The following LYZL2 variants were observed in gnomAD, a reference collection of about 807,000 sequenced individuals.
The protein encoded by LYZL2 is lysozyme-like protein 2.
In LYZL2, 13 loss-of-function variants were observed where a neutral mutation model predicts 17.1. The ratio of observed to expected loss-of-function variants is 0.76; its 90% CI spans 0.49 to 1.21. The LOEUF is 1.21. LYZL2 is among the 50% of genes most tolerant of loss of function. LYZL2 has a pLI of 0.00. For synonymous variants in LYZL2, 63 were observed against 74.4 expected (o/e 0.85, Z 0.79); for missense variants, 166 against 189.2 (o/e 0.88, Z 0.72).
At chr10:30,617,041 G>A (rs1398692473) in intron 3 of LYZL2, among the ~76,000 whole-genome samples, 2 of 152,112 alleles carry the variant, frequency 1.3e-5, no homozygotes, top group African/African-American at 2.4e-5. Context: ...TGAGACACTC[G>A]TTTGTGTTTG....
intron 3 of LYZL2, among the ~76,000 whole-genome samples, chr10:30,614,257 A>G (rs1488167314): frequency 6.6e-6 from 1 of 152,216 alleles, no homozygotes; most frequent in African/African-American, 2.4e-5. Context: ...TATGAAAGGA[A>G]TCGGCTGGGG....
At chr10:30,614,472 C>G (rs1222246593) in intron 3 of LYZL2, among the ~76,000 whole-genome samples, 1 of 152,228 alleles carries the variant, frequency 6.6e-6, no homozygotes, top group Non-Finnish European at 1.5e-5. Context: ...GAAGCCAATC[C>G]TGAAGCAGGT....
At chr10:30,615,716 T>TA (rs1346074965) in intron 3 of LYZL2, among the ~76,000 whole-genome samples, 15 of 152,288 alleles carry the variant, frequency 9.8e-5, no homozygotes, top group African/African-American at 3.4e-4. Context: ...GGGAAAAATA[T>TA]AAAAAATTGT....
At chr10:30,622,423 C>T (rs950489175) in intron 3 of LYZL2, among the ~76,000 whole-genome samples, 1 of 152,082 alleles carries the variant, frequency 6.6e-6, no homozygotes, top group African/African-American at 2.4e-5. Context: ...GTGGCATGTG[C>T]CTGTAGTCCC....
chr10:30,611,562 GGAAGGAAGGAAAGAAAGAAAGAAAGAAA>G (rs1265101629), downstream of LYZL2, among the ~76,000 whole-genome samples: 48 of 83,816 alleles, frequency 5.7e-4, no homozygotes, highest in Middle Eastern at 5.7e-3. Context: ...AAGGAAGGAA[GGAAGGAAGGAAAGAAAGAAAGAAAGAAA>G]GAAAGAAAGA....
intron 1 of LYZL2, among the ~76,000 whole-genome samples, chr10:30,629,091 G>A (rs1838765144): frequency 6.6e-6 from 1 of 152,148 alleles, no homozygotes; most frequent in African/African-American, 2.4e-5. Flanking sequence ...AGACAAACGA[G>A]GTTTAAGATG....
At chr10:30,622,506 G>A (rs1464862776) in intron 3 of LYZL2, among the ~76,000 whole-genome samples, 5 of 150,224 alleles carry the variant, frequency 3.3e-5, no homozygotes, top group East Asian at 3.9e-4. Context: ...CCAAGATCGC[G>A]CCACTGTACT....
At chr10:30,611,560 AAGGAAGGAAG>A (rs1564405803), downstream of LYZL2, among the ~76,000 whole-genome samples, 2,467 of 99,588 alleles carry the variant, frequency 0.025, 29 homozygotes, top group South Asian at 0.036. Context: ...GGAAGGAAGG[AAGGAAGGAAG>A]GAAAGAAAGA....
In LYZL2 at chr10:30,612,023, G is replaced by T; in HGVS notation, c.379C>A (p.Gln127Lys). ...VKETQGMNYW[Q>K]GWKKHCEGRD... The stretch of plus-strand genomic sequence containing the variant: ...CCCTCACAGTGTTTCTTCCAGCCTT[G>T]CCTGAGGACGAGAGGGAAGCAAGAG... Residue 127 changes from glutamine (Q) to lysine (K), a missense_variant and splice_region_variant, in exon 5 of 5, where the codon CAA becomes AAA. Around this residue, in one of 2 missense-constraint regions of LYZL2, gnomAD observed 134 missense variants for 129.4 expected, o/e 1.04. Transcript: ENST00000647634. 6.2e-7 allele frequency: 1 copy of T among 1,614,020 alleles called. No homozygotes were observed. The highest frequency in any genetic ancestry group is 8.5e-7 in the Non-Finnish European group (1 of 1,179,964).
intron 3 of LYZL2, among the ~76,000 whole-genome samples, chr10:30,615,369 G>T (rs1175580714): frequency 6.6e-6 from 1 of 152,208 alleles, no homozygotes. Flanking sequence ...AGCGGTGGCT[G>T]GTTAGGAAAA....
rs146282381 is a variant in LYZL2 at position 30,626,215 on chromosome 10, G to T, written c.188C>A (p.Thr63Lys). Residue 63 changes from threonine to lysine, a missense_variant, in exon 3 of 5, where the codon ACG becomes AAG. By Grantham distance (78) the Thr-to-Lys change is moderately conservative. Around this residue, in one of 2 missense-constraint regions of LYZL2, gnomAD observed 134 missense variants for 129.4 expected, o/e 1.04. Transcript: ENST00000647634. ...YESGYNTTAQ[T>K]VLDDGSIDYG... ...GTCGATGCTGCCGTCATCCAGGACC[G>T]TCTGGGCTGTGGTGTTGTAGCCGCT... The T allele has an allele frequency of 1.9e-6, 3 of 1,614,136 alleles. No homozygotes were observed. The highest frequency in any genetic ancestry group is 2.7e-5 in the African/African-American group (2 of 74,956).
chr10:30,611,373 C>T (rs1306485509), downstream of LYZL2, among the ~76,000 whole-genome samples: 3 of 151,404 alleles, frequency 2.0e-5, no homozygotes, highest in Non-Finnish European at 4.4e-5. Context: ...GTGGCACATG[C>T]CTGCAATCCC....
downstream of LYZL2, among the ~76,000 whole-genome samples, chr10:30,611,448 G>A (rs116361050): frequency 4.3e-3 from 617 of 142,174 alleles, 6 homozygotes; most frequent in African/African-American, 0.016. Flanking sequence ...GCAGTGGGCT[G>A]AAATCGTACG....
intron 2 of LYZL2, 50 bp downstream of exon 2, chr10:30,626,727 T>A (rs1433907733): frequency 1.9e-6 from 3 of 1,609,808 alleles, no homozygotes; most frequent in Non-Finnish European, 2.5e-6. Context: ...CTTCAACATC[T>A]CAGGGGAAAG....
chr10:30,615,517 GTTC>G (rs1292496993), intron 3 of LYZL2, among the ~76,000 whole-genome samples: 1 of 152,004 alleles, frequency 6.6e-6, no homozygotes, highest in East Asian at 1.9e-4. Flanking sequence ...GATCTTAAGT[GTTC>G]TTCTCTCTCT....
Position 30,616,328 on chromosome 10 carries a change from G to A in LYZL2, c.299-3428C>T, listed in dbSNP as rs190587605. Among the ~76,000 whole-genome samples the A allele has an allele frequency of 1.1e-3, 161 of 152,256 alleles. 2 individuals carry two copies. Among genetic ancestry groups the A allele is most frequent in the Non-Finnish European group, 1.4e-3 (96 of 68,020 alleles). On this transcript the variant is annotated intron_variant, in intron 3 of 4. Transcript: ENST00000647634. ...AGAGATAGCAATTGAAACAACATAC[G>A]CAGATTCACTAGCATTTGGTTTATA... is the stretch of plus-strand genomic sequence containing the variant.
Position 30,629,635 on chromosome 10 carries a change from T to C in LYZL2, c.-68A>G, listed in dbSNP as rs750099668. ...GGTGCCTGCCGCAGAGGCTGACTTC[T>C]CAGTTGAGTCTGCGGAAGAAACACT... On this transcript the variant is annotated 5_prime_UTR_variant, in exon 1 of 5. Coordinates refer to ENST00000647634, the MANE Select transcript of LYZL2 (RefSeq NM_183058.3). 76 of 1,614,140 alleles carry C rather than the reference T, an allele frequency of 4.7e-5. No homozygotes were observed. The highest frequency in any genetic ancestry group is 6.4e-5 in the Non-Finnish European group (75 of 1,180,042).
At chr10:30,612,783 G>A (rs1215575023) in intron 4 of LYZL2, 39 bp downstream of exon 4, 2 of 1,439,364 alleles carry the variant, frequency 1.4e-6, no homozygotes, top group South Asian at 1.1e-5. Context: ...ACTAGGTTTT[G>A]CCCATGACAG....
chr10:30,614,973 A>C (rs116034408), intron 3 of LYZL2, among the ~76,000 whole-genome samples: 1,875 of 152,344 alleles, frequency 0.012, 44 homozygotes, highest in African/African-American at 0.041. Context: ...TCATTTAATA[A>C]AATAAAGAGC....
Sources: allele counts gnomAD v4.1 joint callset (sites outside exome capture counted in the v4.1 genomes callset), GRCh38; gene constraint gnomAD v4.1.1; regional missense constraint gnomAD v4.1.1; transcripts MANE v1.5; gene names NCBI Gene and HGNC (gene_info 2026-07-23, HGNC 2026-07-21).